The following GRIK3 variants were observed in gnomAD, a reference collection of about 807,000 sequenced individuals.
GRIK3 encodes the protein glutamate ionotropic receptor kainate type subunit 3.
In GRIK3, 29 loss-of-function variants were observed where a neutral mutation model predicts 102.5. That is an observed-to-expected ratio of 0.28 (90% CI 0.21 to 0.39). GRIK3 has a LOEUF of 0.39. GRIK3 is among the 10% of genes least tolerant of loss of function. The pLI is 1.00. For synonymous variants in GRIK3, 511 were observed against 504.9 expected (o/e 1.01, Z -0.16); for missense variants, 908 against 1,252.4 (o/e 0.73, Z 4.15).
At chr1:36,837,658 C>T (rs1226287203) in intron 10 of GRIK3, among the ~76,000 whole-genome samples, 1 of 152,144 alleles carries the variant, frequency 6.6e-6, no homozygotes, top group Admixed American at 6.5e-5. Context: ...GATTAAAGTC[C>T]AGTTCCTCGG....
chr1:36,912,849 G>C (rs1234326412), intron 1 of GRIK3, among the ~76,000 whole-genome samples: 1 of 152,170 alleles, frequency 6.6e-6, no homozygotes, highest in Non-Finnish European at 1.5e-5. Flanking sequence ...ATGTATGTGT[G>C]CCTAAAACAC....
Position 36,819,964 on chromosome 1 carries a change from C to T in GRIK3, c.1755-110G>A, listed in dbSNP as rs143291416. Reference sequence around the variant, plus strand: ...TGCCAGCCGCCTCAGCGTCAATATCCTCATGGTTCTGCTGGGAGGCAGGGC... The same window carrying T: ...TGCCAGCCGCCTCAGCGTCAATATCTTCATGGTTCTGCTGGGAGGCAGGGC... On this transcript the variant is annotated intron_variant, in intron 11 of 15. Transcript: ENST00000373091. This position sits in a 1 kb window ranked among gnomAD's most constrained non-coding sequence, Gnocchi z 4.1. 6.3e-4 allele frequency: 421 copies of T among 666,506 alleles called. 2 individuals are homozygous for T. Among genetic ancestry groups the T allele is most frequent in the Admixed American group, 1.4e-3 (64 of 45,190 alleles). 41.3% of individuals were successfully genotyped at this position (666,506 alleles called of 1,614,324 possible).
chr1:36,920,973 C>T (rs1008339153), intron 1 of GRIK3, among the ~76,000 whole-genome samples: 3 of 152,156 alleles, frequency 2.0e-5, no homozygotes, highest in African/African-American at 4.8e-5. Flanking sequence ...TGGAGGAGGC[C>T]GAAGAGGTGG....
intron 10 of GRIK3, among the ~76,000 whole-genome samples, chr1:36,829,590 C>G (rs915827993): frequency 6.6e-6 from 1 of 152,066 alleles, no homozygotes; most frequent in Admixed American, 6.6e-5. Flanking sequence ...TGTACTATTT[C>G]TAAACCTCTG....
At chr1:36,925,280 G>A (rs749054117) in intron 1 of GRIK3, among the ~76,000 whole-genome samples, 12 of 152,208 alleles carry the variant, frequency 7.9e-5, no homozygotes, top group Middle Eastern at 3.4e-3. Flanking sequence ...AGACACACAC[G>A]GCACACACAC....
intron 2 of GRIK3, among the ~76,000 whole-genome samples, chr1:36,889,583 C>T (rs1397146195): frequency 6.6e-6 from 1 of 151,928 alleles, no homozygotes; most frequent in Admixed American, 6.6e-5. Context: ...ACTTGGAAGC[C>T]CAGGGCTAGA....
intron 1 of GRIK3, among the ~76,000 whole-genome samples, chr1:36,919,962 C>T (rs560055948): frequency 1.3e-5 from 2 of 152,222 alleles, no homozygotes; most frequent in Non-Finnish European, 2.9e-5. Context: ...GCTGCAGCTG[C>T]GGATGCTCAC....
At chr1:36,999,054 C>T (rs74064834) in intron 1 of GRIK3, among the ~76,000 whole-genome samples, 5,614 of 151,680 alleles carry the variant, frequency 0.037, 340 homozygotes, top group African/African-American at 0.13. Flanking sequence ...AGGGATGGGC[C>T]CCCCAACCAT....
At position 36,902,103 on chromosome 1, in the gene GRIK3, C is replaced by T. The variant is rs538086669; in HGVS notation, c.116-11007G>A. ...AGAATAACTAAATAAATGGAGAGAC[C>T]TTCAATGTTCATGGATAAGAAAAGT... On this transcript the variant is annotated intron_variant, in intron 1 of 15. Transcript: ENST00000373091. Among the ~76,000 whole-genome samples, 22 of 152,242 alleles carry T rather than the reference C, an allele frequency of 1.4e-4. No homozygotes were observed. In the South Asian group the frequency reaches 3.9e-3, roughly 27 times the overall value.
chr1:37,011,504 C>A (rs1158174543), intron 1 of GRIK3, among the ~76,000 whole-genome samples: 1 of 152,164 alleles, frequency 6.6e-6, no homozygotes, highest in African/African-American at 2.4e-5. Flanking sequence ...GAAACTCAAG[C>A]ACAGAGAGGT....
intron 1 of GRIK3, among the ~76,000 whole-genome samples, chr1:36,990,143 C>T (rs537090001): frequency 2.6e-5 from 4 of 152,222 alleles, no homozygotes; most frequent in African/African-American, 9.6e-5. Context: ...TTCCAGAAAC[C>T]CGGACCTGCC....
At chr1:36,971,904 G>C (rs888740012) in intron 1 of GRIK3, among the ~76,000 whole-genome samples, 2 of 152,158 alleles carry the variant, frequency 1.3e-5, no homozygotes, top group Admixed American at 6.5e-5. Flanking sequence ...CACCCTTTTG[G>C]AGGGAACAGG....
intron 1 of GRIK3, among the ~76,000 whole-genome samples, chr1:36,953,769 G>T (rs978054606): frequency 6.6e-6 from 1 of 152,036 alleles, no homozygotes; most frequent in South Asian, 2.1e-4. Context: ...ATGCAGGGCA[G>T]GTGGTGAGAG....
At chr1:36,862,985 A>T (rs944512397) in intron 5 of GRIK3, among the ~76,000 whole-genome samples, 8 of 152,210 alleles carry the variant, frequency 5.3e-5, no homozygotes, top group Admixed American at 1.3e-4. Context: ...ATATCAGAAC[A>T]AGCAAAGTCA....
chr1:36,839,182 C>T (rs1371358255), intron 10 of GRIK3, among the ~76,000 whole-genome samples: 6 of 152,194 alleles, frequency 3.9e-5, no homozygotes, highest in Admixed American at 3.9e-4. Flanking sequence ...TCCTTCTCCC[C>T]TGCCCAGCTT....
intron 1 of GRIK3, among the ~76,000 whole-genome samples, chr1:36,963,136 G>A (rs770829027): frequency 6.6e-6 from 1 of 152,096 alleles, no homozygotes; most frequent in Non-Finnish European, 1.5e-5. Flanking sequence ...GGGAGGGGTC[G>A]GCTGCATGCC....
chr1:36,943,956 G>A (rs918144727), intron 1 of GRIK3, among the ~76,000 whole-genome samples: 1 of 152,220 alleles, frequency 6.6e-6, no homozygotes, highest in Non-Finnish European at 1.5e-5. Flanking sequence ...ATATGGGTGA[G>A]AGCTTCATTC....
At chr1:36,945,229 TG>T (rs765761396) in intron 1 of GRIK3, among the ~76,000 whole-genome samples, 61 of 152,246 alleles carry the variant, frequency 4.0e-4, no homozygotes, top group Non-Finnish European at 7.9e-4. Flanking sequence ...TCAATTGACT[TG>T]TATTGTCTCC....
At chr1:36,835,833 C>T (rs984197903) in intron 10 of GRIK3, among the ~76,000 whole-genome samples, 17 of 152,132 alleles carry the variant, frequency 1.1e-4, no homozygotes, top group African/African-American at 4.1e-4. Flanking sequence ...AGCCTTTCCC[C>T]AGGCTGGTCT....
Sources: gnomAD v4.1 joint callset for allele counts (sites outside exome capture counted in the v4.1 genomes callset) on GRCh38, gnomAD v4.1.1 for gene constraint, Gnocchi (gnomAD v3.1) non-coding constraint, MANE v1.5 for transcripts, NCBI Gene and HGNC (gene_info 2026-07-23, HGNC 2026-07-21) for gene names.